The following DLGAP4 variants were observed in gnomAD, a reference collection of about 807,000 sequenced individuals.
DLGAP4 encodes DLG associated protein 4.
DLGAP4 carries 18 observed loss-of-function variants against 86.9 expected under a neutral mutation model. That is an observed-to-expected ratio of 0.21 (90% CI 0.14 to 0.31). The LOEUF (loss-of-function observed/expected upper bound fraction) is 0.31. Ranked by LOEUF, DLGAP4 falls within the 10% of genes least tolerant of loss-of-function variation. DLGAP4 has a pLI of 1.00. For missense variants in DLGAP4, 1,085 were observed against 1,362.6 expected, an observed-to-expected ratio of 0.80 and a Z score of 3.21; for synonymous variants, 548 against 574.3, an observed-to-expected ratio of 0.95 and a Z score of 0.65.
At chr20:36,447,842 G>A (rs1402091865) in intron 7 of DLGAP4, among the ~76,000 whole-genome samples, 2 of 139,540 alleles carry the variant, frequency 1.4e-5, no homozygotes, top group African/African-American at 2.6e-5. Context: ...TCATAAGTGG[G>A]AGGTAAACAA....
At chr20:36,467,058 C>CTG (rs2034434842) in intron 7 of DLGAP4, among the ~76,000 whole-genome samples, 1 of 124,754 alleles carries the variant, frequency 8.0e-6, no homozygotes, top group Admixed American at 7.5e-5. Flanking sequence ...CTCTCTCTCT[C>CTG]TCTCTCCCCC....
chr20:36,386,065 C>T (rs547697495), intron 2 of DLGAP4, among the ~76,000 whole-genome samples: 34 of 152,178 alleles, frequency 2.2e-4, no homozygotes, highest in African/African-American at 7.2e-4. Context: ...GCGGGGGCCT[C>T]GGCACCACCA....
intron 2 of DLGAP4, among the ~76,000 whole-genome samples, chr20:36,407,803 G>A (rs1335816555): frequency 6.6e-6 from 1 of 152,124 alleles, no homozygotes; most frequent in East Asian, 1.9e-4. Context: ...CCTGGGAAGA[G>A]TGAATGGCGT....
At chr20:36,374,976 T>G (rs547251847) in intron 2 of DLGAP4, among the ~76,000 whole-genome samples, 1 of 152,194 alleles carries the variant, frequency 6.6e-6, no homozygotes, top group East Asian at 1.9e-4. Flanking sequence ...GCAGAGAGAG[T>G]CCCATTACCT....
intron 3 of DLGAP4, among the ~76,000 whole-genome samples, chr20:36,435,140 A>T (rs1326854062): frequency 6.6e-6 from 1 of 151,896 alleles, no homozygotes; most frequent in Admixed American, 6.6e-5. Flanking sequence ...TGTGTGGTAC[A>T]CTGGGGGTAC....
At chr20:36,380,600 AG>A (rs2031343979) in intron 2 of DLGAP4, among the ~76,000 whole-genome samples, 1 of 918 alleles carries the variant, frequency 1.1e-3, no homozygotes, top group African/African-American at 0.014. Context: ...TTAAAGAGAG[AG>A]AGAGAGAGAG....
chr20:36,386,562 G>C (rs1472901327), intron 2 of DLGAP4, among the ~76,000 whole-genome samples: 1 of 152,116 alleles, frequency 6.6e-6, no homozygotes, highest in Non-Finnish European at 1.5e-5. Context: ...AAACCCAGGG[G>C]TGTTGTTTGA....
At chr20:36,496,521 G>C (rs2035893621) in intron 7 of DLGAP4, among the ~76,000 whole-genome samples, 184 bp from the exon 8 acceptor site, 1 of 152,218 alleles carries the variant, frequency 6.6e-6, no homozygotes. Context: ...GGGCCTGTGT[G>C]TGTCTGTCTT....
At chr20:36,448,647 T>C (rs781759918) in intron 7 of DLGAP4, among the ~76,000 whole-genome samples, 1 of 152,094 alleles carries the variant, frequency 6.6e-6, no homozygotes, top group South Asian at 2.1e-4. Context: ...TCAAAAACAA[T>C]TGGGGGCTGG....
At chr20:36,341,816 A>T (rs1423942963) in intron 1 of DLGAP4, among the ~76,000 whole-genome samples, 1 of 152,214 alleles carries the variant, frequency 6.6e-6, no homozygotes, top group Non-Finnish European at 1.5e-5. Context: ...CTGTCGTCCC[A>T]GCTTCCGCTC....
intron 1 of DLGAP4, among the ~76,000 whole-genome samples, chr20:36,307,046 A>T (rs1172044630): frequency 1.3e-5 from 2 of 151,744 alleles, no homozygotes; most frequent in African/African-American, 2.4e-5. Context: ...TAGACCCGGG[A>T]GCCGCCGGCT....
intron 7 of DLGAP4, among the ~76,000 whole-genome samples, chr20:36,469,752 CAAAAAAA>C (rs529690960): frequency 3.5e-4 from 29 of 81,834 alleles, no homozygotes; most frequent in Non-Finnish European, 7.8e-4. Context: ...GACTCTGTCT[CAAAAAAA>C]AAAAAAAAAA....
At chr20:36,361,925 G>A (rs1357494776) in intron 1 of DLGAP4, among the ~76,000 whole-genome samples, 2 of 148,506 alleles carry the variant, frequency 1.3e-5, no homozygotes, top group East Asian at 4.0e-4. Context: ...GTTGCAGTGA[G>A]CCAAGATTGC....
chr20:36,409,156 C>T (rs779322529), intron 2 of DLGAP4, among the ~76,000 whole-genome samples: 19 of 149,528 alleles, frequency 1.3e-4, no homozygotes, highest in Non-Finnish European at 2.2e-4. Context: ...ATGCCTCAGT[C>T]TTCCAAATAG....
chr20:36,376,186 A>AT (rs535390090), intron 2 of DLGAP4, among the ~76,000 whole-genome samples: 43 of 148,850 alleles, frequency 2.9e-4, no homozygotes, highest in African/African-American at 8.8e-4. Flanking sequence ...CTTTAAAAAT[A>AT]TTTTTTTAAG....
chr20:36,452,243 G>C (rs944927797), intron 7 of DLGAP4, among the ~76,000 whole-genome samples: 1 of 151,252 alleles, frequency 6.6e-6, no homozygotes, highest in Non-Finnish European at 1.5e-5. Flanking sequence ...CAGTGGCATG[G>C]TCATAGCTCA....
At position 36,527,343 on chromosome 20, in the gene DLGAP4, G is replaced by A. The variant is rs1051842625; in HGVS notation, c.*312G>A. ...ACTCCCGGCCCAGCCTCCATACTGC[G>A]GTCTTTTTACTCGTTCTATCTGATG... On this transcript the variant is annotated 3_prime_UTR_variant, in exon 13 of 13. Transcript: ENST00000339266. 6.7e-5 allele frequency: 16 copies of A among 237,898 alleles called. No homozygotes were observed. Among genetic ancestry groups the A allele is most frequent in the Admixed American group, 4.1e-4 (8 of 19,388 alleles). 14.7% of individuals were successfully genotyped at this position (237,898 alleles called of 1,614,324 possible).
rs769094888 is a variant in DLGAP4 at position 36,525,869 on chromosome 20, C to T, written c.2623C>T (p.Arg875Cys). Residue 875 changes from arginine (R) to cysteine (C), a missense_variant, in exon 12 of 13, where the codon CGC (arginine) becomes TGC (cysteine). Transcript: ENST00000339266. ...CCCACAGAACCCTGATGCCAACCCA[C>T]GCCCCACAGCCCAGGACCTGGCAGG... is the stretch of plus-strand genomic sequence containing the variant. ...EQNLNPDANP[R>C]PTAQDLAGFW... is the part of the protein sequence containing the mutation. 3.0e-5 allele frequency: 49 copies of T among 1,613,656 alleles called. No homozygotes were observed. The highest frequency in any genetic ancestry group is 1.7e-4 in the Middle Eastern group (1 of 6,058).
rs555503155 is a variant in DLGAP4 at position 36,341,516 on chromosome 20, T to G, written c.-303-25529T>G. Among the ~76,000 whole-genome samples, 13 of 152,332 alleles carry G rather than the reference T, an allele frequency of 8.5e-5. No individual in the cohort carries two copies. In the South Asian group the frequency reaches 2.7e-3, roughly 32 times the overall value. On this transcript the variant is annotated intron_variant, in intron 1 of 12. Transcript: ENST00000339266. The stretch of plus-strand genomic sequence containing the variant: ...ACCATGCAACCACCTCCGAAAGCCT[T>G]TGTTCCCGCAGTAACCCTTTGAGAG...
Sources: gnomAD v4.1 joint callset for allele counts (sites outside exome capture counted in the v4.1 genomes callset) on GRCh38, gnomAD v4.1.1 for gene constraint, MANE v1.5 for transcripts, NCBI Gene and HGNC (gene_info 2026-07-23, HGNC 2026-07-21) for gene names.